TANC2: variants seen among roughly 807,000 people sequenced by gnomAD.
TANC2 encodes the protein tetratricopeptide repeat, ankyrin repeat and coiled-coil containing 2.
TANC2 carries 26 observed loss-of-function variants against 210.5 expected under a neutral mutation model. The observed-to-expected ratio is 0.12, with a 90% confidence interval of 0.09 to 0.17. TANC2 has a LOEUF of 0.17. Ranked by LOEUF, TANC2 falls within the 10% of genes least tolerant of loss-of-function variation. TANC2 has a pLI of 1.00. For missense variants in TANC2, 2,129 were observed against 2,608.9 expected (o/e 0.82, Z 4.01); for synonymous variants, 931 against 967.1 (o/e 0.96, Z 0.69).
At chr17:63,358,921 C>T (rs556364723) in intron 14 of TANC2, among the ~76,000 whole-genome samples, 9 of 151,440 alleles carry the variant, frequency 5.9e-5, no homozygotes, top group Non-Finnish European at 1.2e-4. Flanking sequence ...CTCATTTTCT[C>T]AATTTTCATG....
chr17:63,157,534 C>G (rs551689822), intron 5 of TANC2, among the ~76,000 whole-genome samples: 2 of 152,116 alleles, frequency 1.3e-5, no homozygotes, highest in Non-Finnish European at 2.9e-5. Flanking sequence ...GCCAGACTGC[C>G]TGTGTTCATA....
At chr17:63,204,053 T>C (rs1226976565) in intron 7 of TANC2, among the ~76,000 whole-genome samples, 1 of 148,534 alleles carries the variant, frequency 6.7e-6, no homozygotes, top group African/African-American at 2.5e-5. Context: ...GACTGCAAAG[T>C]GTATCCCTAA....
chr17:63,372,351 A>G (rs1294456021), intron 14 of TANC2, among the ~76,000 whole-genome samples: 3 of 152,252 alleles, frequency 2.0e-5, no homozygotes, highest in African/African-American at 7.2e-5. Flanking sequence ...TTCTGGCTGC[A>G]AAGGTAGTAG....
chr17:63,263,893 A>G (rs1170745873), intron 8 of TANC2, among the ~76,000 whole-genome samples: 1 of 152,232 alleles, frequency 6.6e-6, no homozygotes, highest in Non-Finnish European at 1.5e-5. Context: ...CAGATGTTGA[A>G]AGATCGACAG....
At chr17:63,013,528 G>A (rs957780335) in intron 2 of TANC2, among the ~76,000 whole-genome samples, 1 of 151,972 alleles carries the variant, frequency 6.6e-6, no homozygotes, top group Non-Finnish European at 1.5e-5. Context: ...TTGGGAGGCC[G>A]AGGCAGGCGG....
intron 1 of TANC2, among the ~76,000 whole-genome samples, chr17:63,008,377 T>C (rs1414496248): frequency 6.6e-6 from 1 of 152,210 alleles, no homozygotes; most frequent in Non-Finnish European, 1.5e-5. Flanking sequence ...TTTTTGTCTT[T>C]ATCTCTCTAT....
At chr17:63,010,446 G>A (rs2033814546) in intron 2 of TANC2, among the ~76,000 whole-genome samples, 1 of 150,370 alleles carries the variant, frequency 6.7e-6, no homozygotes, top group Non-Finnish European at 1.5e-5. Context: ...AACATTTCTG[G>A]CCACCAAATA....
chr17:63,377,009 G>A (rs2047447100), intron 14 of TANC2, among the ~76,000 whole-genome samples: 1 of 152,116 alleles, frequency 6.6e-6, no homozygotes, highest in South Asian at 2.1e-4. Context: ...ACAAAATGAG[G>A]CTTGGGGCTT....
intron 2 of TANC2, among the ~76,000 whole-genome samples, chr17:63,066,612 G>C (rs2036207037): frequency 6.6e-6 from 1 of 152,012 alleles, no homozygotes; most frequent in Non-Finnish European, 1.5e-5. Flanking sequence ...ATTTTCTGCT[G>C]CCCCAACCCC....
intron 4 of TANC2, among the ~76,000 whole-genome samples, chr17:63,100,930 T>G (rs2037596840): frequency 6.6e-6 from 1 of 152,216 alleles, no homozygotes; most frequent in Non-Finnish European, 1.5e-5. Flanking sequence ...TTACAGTATT[T>G]GAAGCTTCTG....
rs117006137 is a variant in TANC2, at chr17:63,254,109, T to C, written c.1034-13639T>C. Among the ~76,000 whole-genome samples the C allele has an allele frequency of 2.9e-3, 439 of 152,306 alleles. 2 individuals are homozygous for C. Among genetic ancestry groups the C allele is most frequent in the Admixed American group, 0.017 (259 of 15,298 alleles). On this transcript the variant is annotated intron_variant, in intron 8 of 27. Transcript: ENST00000689528. ...GGACATTTTAATAATATTGATTGAT[T>C]CCAGTCAATGAACATGAAATGTCTT... is the stretch of plus-strand genomic sequence containing the variant.
chr17:63,180,665 A>G (rs1181125828), intron 5 of TANC2, among the ~76,000 whole-genome samples: 1 of 152,192 alleles, frequency 6.6e-6, no homozygotes, highest in African/African-American at 2.4e-5. Flanking sequence ...TACTTACTTC[A>G]TGCTTTCAGA....
At chr17:62,999,609 G>T (rs1285767325) in intron 1 of TANC2, among the ~76,000 whole-genome samples, 1 of 150,944 alleles carries the variant, frequency 6.6e-6, no homozygotes, top group East Asian at 1.9e-4. Context: ...AAAACATTAT[G>T]AGATTTTTTT....
chr17:63,280,671 C>G (rs1282459565), intron 9 of TANC2, among the ~76,000 whole-genome samples: 1 of 151,954 alleles, frequency 6.6e-6, no homozygotes, highest in Non-Finnish European at 1.5e-5. Context: ...TCTGTTACTT[C>G]TTTGTCTGAT....
intron 9 of TANC2, among the ~76,000 whole-genome samples, chr17:63,303,093 A>G (rs1472683200): frequency 1.3e-5 from 2 of 152,110 alleles, no homozygotes; most frequent in Non-Finnish European, 2.9e-5. Flanking sequence ...CATTTAGTCC[A>G]TTTACATTTA....
In TANC2 at chr17:62,969,746, CT is replaced by C. The variant is rs913724357; in HGVS notation, c.-24+3002del. On this transcript the variant is annotated intron_variant, in intron 1 of 27. Transcript: ENST00000689528. ...ACACATTCATACACACACACACAGC[CT>C]TTTTAAGAGCACCAGTAAACCTTTA... Among the ~76,000 whole-genome samples the C allele has an allele frequency of 2.6e-5, 4 of 151,962 alleles. No homozygotes were observed. In the East Asian group the frequency reaches 7.7e-4, roughly 29 times the overall value.
intron 3 of TANC2, among the ~76,000 whole-genome samples, chr17:63,082,849 C>T (rs2036829853): frequency 6.6e-6 from 1 of 152,136 alleles, no homozygotes; most frequent in Non-Finnish European, 1.5e-5. Context: ...TCTTGTTTAC[C>T]AGGTTAAGCA....
At chr17:63,351,188 TC>T in intron 12 of TANC2, 61 bp from the exon 13 acceptor site, 1 of 1,389,930 alleles carries the variant, frequency 7.2e-7, no homozygotes, top group Non-Finnish European at 9.8e-7. Context: ...TGATCAAAGA[TC>T]CAGTAAGAAC....
intron 3 of TANC2, among the ~76,000 whole-genome samples, chr17:63,085,706 T>C (rs186822033): frequency 5.3e-4 from 80 of 152,178 alleles, no homozygotes; most frequent in African/African-American, 1.8e-3. Flanking sequence ...TGTGTATATG[T>C]ATATTATACA....
Sources: allele counts gnomAD v4.1 joint callset (sites outside exome capture counted in the v4.1 genomes callset), GRCh38; gene constraint gnomAD v4.1.1; transcripts MANE v1.5; gene names NCBI Gene and HGNC (gene_info 2026-07-23, HGNC 2026-07-21).